The following MAP7D3 variants were observed in gnomAD, a reference collection of about 807,000 sequenced individuals.
MAP7D3 encodes the protein MAP7 domain containing 3.
MAP7D3 carries 45 observed loss-of-function variants against 62.2 expected under a neutral mutation model. The ratio of observed to expected loss-of-function variants is 0.72; its 90% confidence interval spans 0.57 to 0.93. The LOEUF (loss-of-function observed/expected upper bound fraction) is 0.93, where lower values mean the gene tolerates loss of function less well. Among genes scored for constraint, MAP7D3 ranks in the 40% least tolerant of loss-of-function variants. The pLI is 0.00. For missense variants in MAP7D3, 711 were observed against 683.1 expected (o/e 1.04, Z -0.45); for synonymous variants, 288 against 248.8 (o/e 1.16, Z -1.48).
chrX:136,248,853 AGTG>A (rs1354711358), intron 1 of MAP7D3, among the ~76,000 whole-genome samples: 1 of 112,366 alleles, frequency 8.9e-6, no homozygotes, highest in African/African-American at 3.2e-5. Context: ...ACAGGTAGTA[AGTG>A]GTGAAGCCAG....
chrX:136,243,486 C>T (rs147028079), intron 4 of MAP7D3, among the ~76,000 whole-genome samples: 2,795 of 111,304 alleles, frequency 0.025, 79 homozygotes, highest in African/African-American at 0.084. Context: ...GGGTGGATCA[C>T]GAGGTCAGGA....
chrX:136,238,033 T>A (rs1349253496), intron 6 of MAP7D3, among the ~76,000 whole-genome samples: 1 of 111,598 alleles, frequency 9.0e-6, no homozygotes, highest in African/African-American at 3.3e-5. Context: ...GTTTCATCCA[T>A]GTTCCTACAA....
intron 17 of MAP7D3, 30 bp downstream of exon 17, chrX:136,219,563 G>T (rs1276365131): frequency 8.6e-7 from 1 of 1,167,918 alleles, no homozygotes; most frequent in South Asian, 1.8e-5. Flanking sequence ...TCTTGTCACA[G>T]ATACGCTGCT....
chrX:136,239,881 T>C (rs1471043438), intron 6 of MAP7D3, among the ~76,000 whole-genome samples: 2 of 112,142 alleles, frequency 1.8e-5, no homozygotes, highest in African/African-American at 6.5e-5. Context: ...CCATCTGATA[T>C]GATTAACACA....
chrX:136,222,832 G>GTTT (rs769168177), intron 14 of MAP7D3, among the ~76,000 whole-genome samples: 1 of 87,079 alleles, frequency 1.1e-5, no homozygotes. Flanking sequence ...GTTTTTGACT[G>GTTT]TTTTTTTTTT....
chrX:136,237,760 A>AC (rs1390727098), intron 6 of MAP7D3, among the ~76,000 whole-genome samples: 2 of 111,235 alleles, frequency 1.8e-5, no homozygotes, highest in Non-Finnish European at 3.8e-5. Flanking sequence ...GTTTTAGGGT[A>AC]CATGTGCACA....
chrX:136,221,211 G>A (rs2074123779), intron 15 of MAP7D3, among the ~76,000 whole-genome samples: 1 of 112,048 alleles, frequency 8.9e-6, no homozygotes. Flanking sequence ...TAAGGAATCT[G>A]TCCTTTTTCC....
At chrX:136,229,993 A>ATATATTT (rs1210531192) in intron 10 of MAP7D3, among the ~76,000 whole-genome samples, 7 of 48,122 alleles carry the variant, frequency 1.5e-4, no homozygotes, top group African/African-American at 5.6e-4. Context: ...ATATATATAT[A>ATATATTT]TTTTTTTTTT....
At chrX:136,235,878 A>C (rs1472326080) in intron 7 of MAP7D3, among the ~76,000 whole-genome samples, 3 of 112,945 alleles carry the variant, frequency 2.7e-5, no homozygotes, top group Admixed American at 9.3e-5. Context: ...TAATGCTATG[A>C]AGCAAGGGCA....
At chrX:136,229,989 A>AT (rs1340858701) in intron 10 of MAP7D3, among the ~76,000 whole-genome samples, 544 of 46,549 alleles carry the variant, frequency 0.012, 5 homozygotes, top group Non-Finnish European at 0.015. Flanking sequence ...ATATATATAT[A>AT]TATATTTTTT....
At chrX:136,244,504 A>C (rs1035062691) in intron 4 of MAP7D3, 128 bp downstream of exon 4, 9 of 556,600 alleles carry the variant, frequency 1.6e-5, no homozygotes, top group Non-Finnish European at 2.3e-5. Flanking sequence ...AGAGGAAGCG[A>C]AGAAGAAAGA....
At chrX:136,216,411 G>A (rs1448739824), downstream of MAP7D3, among the ~76,000 whole-genome samples, 6 of 72,281 alleles carry the variant, frequency 8.3e-5, no homozygotes, top group Admixed American at 1.5e-4. Flanking sequence ...AGAAGAAGAA[G>A]AAGAAAGAAG....
rs781503446 is a variant in MAP7D3, at chrX:136,225,007, T to C, written c.2140-127A>G. 88 of 445,137 alleles carry C rather than the reference T, an allele frequency of 2.0e-4. 2 individuals are homozygous for C. In the South Asian group the frequency reaches 3.5e-3, roughly 18 times the overall value. The allele number at this position is 445,137 out of a possible 1,213,427, so 36.7% of individuals were successfully genotyped here. On this transcript the variant is annotated intron_variant, in intron 13 of 18. Transcript: ENST00000316077. The stretch of plus-strand genomic sequence containing the variant: ...GCAGTGATTGCTCCAAAACCACAAA[T>C]ATTACCAACAAAAGGCTTACGGTGG...
At chrX:136,215,387 G>A (rs954231899), downstream of MAP7D3, among the ~76,000 whole-genome samples, 2 of 111,587 alleles carry the variant, frequency 1.8e-5, no homozygotes, top group African/African-American at 6.5e-5. Context: ...GAACCCTATT[G>A]TGAACCACGC....
chrX:136,244,502 C>T (rs1001889156), intron 4 of MAP7D3, 130 bp downstream of exon 4: 12 of 546,226 alleles, frequency 2.2e-5, no homozygotes, highest in South Asian at 3.7e-5. Context: ...GAAGAGGAAG[C>T]GAAGAAGAAA....
At chrX:136,242,905 G>A (rs949379355) in intron 4 of MAP7D3, among the ~76,000 whole-genome samples, 1 of 112,147 alleles carries the variant, frequency 8.9e-6, no homozygotes, top group Non-Finnish European at 1.9e-5. Context: ...AGAAGATGAT[G>A]GAAAGTGACA....
At chrX:136,243,653 A>C (rs771780111) in intron 4 of MAP7D3, among the ~76,000 whole-genome samples, 10 of 110,295 alleles carry the variant, frequency 9.1e-5, no homozygotes, top group African/African-American at 3.3e-4. Context: ...CAGTGAGCCA[A>C]GATCACGCCA....
chrX:136,219,703 T>A (rs1198887328), intron 16 of MAP7D3, 32 bp from the exon 17 acceptor site: 1 of 1,069,929 alleles, frequency 9.3e-7, no homozygotes, highest in Non-Finnish European at 1.3e-6. Context: ...AGAATCCCAA[T>A]TATTCCCAAA....
At chrX:136,254,299 A>G (rs1434844060), upstream of MAP7D3, among the ~76,000 whole-genome samples, 1 of 109,586 alleles carries the variant, frequency 9.1e-6, no homozygotes, top group Non-Finnish European at 1.9e-5. Flanking sequence ...TGACCAGTCT[A>G]GTCTCCAACT....
Sources: allele counts gnomAD v4.1 joint callset (sites outside exome capture counted in the v4.1 genomes callset), GRCh38; gene constraint gnomAD v4.1.1; transcripts MANE v1.5; gene names NCBI Gene and HGNC (gene_info 2026-07-23, HGNC 2026-07-21).